LRCH1: variants seen among roughly 807,000 people sequenced by gnomAD.
LRCH1 encodes leucine-rich repeat and calponin homology domain-containing protein 1.
LRCH1 carries 23 observed loss-of-function variants against 94.9 expected under a neutral mutation model. That is an observed-to-expected ratio of 0.24 (90% CI 0.17 to 0.34). The LOEUF (loss-of-function observed/expected upper bound fraction) is 0.34, where lower values mean the gene tolerates loss of function less well. Ranked by LOEUF, LRCH1 falls within the 10% of genes least tolerant of loss-of-function variation. The pLI is 1.00. For synonymous variants in LRCH1, 364 were observed against 354.9 expected, an observed-to-expected ratio of 1.03 and a Z score of -0.29; for missense variants, 790 against 945.9, an observed-to-expected ratio of 0.84 and a Z score of 2.16.
In LRCH1 at chr13:46,733,619, A is replaced by T. The variant is rs150783700; in HGVS notation, c.2008-302A>T. Among the ~76,000 whole-genome samples, 18 of 152,282 alleles carry T rather than the reference A, an allele frequency of 1.2e-4. No homozygotes were observed. The East Asian group carries it at 3.5e-3, about 29-fold the overall frequency. Reference sequence around the variant, plus strand: ...TGCAGAAAATTTTGCATACATATACATCAGTGTATATACATGATATACAAA... The same window carrying T: ...TGCAGAAAATTTTGCATACATATACTTCAGTGTATATACATGATATACAAA... On this transcript the variant is annotated intron_variant, in intron 18 of 19. Coordinates refer to ENST00000389797, the MANE Select transcript of LRCH1 (RefSeq NM_001164211.2).
At chr13:46,748,182 A>G (rs1873986080), downstream of LRCH1, among the ~76,000 whole-genome samples, 1 of 151,814 alleles carries the variant, frequency 6.6e-6, no homozygotes, top group African/African-American at 2.4e-5. Flanking sequence ...TGACTTTTTC[A>G]TAATGCTTTT....
chr13:46,705,205 A>G (rs1382666508), intron 12 of LRCH1, 48 bp downstream of exon 12: 24 of 1,589,038 alleles, frequency 1.5e-5, no homozygotes, highest in Non-Finnish European at 1.9e-5. Context: ...TTCATAATAC[A>G]TTGACATTTC....
rs143819627 is a variant in LRCH1 at position 46,741,924 on chromosome 13, G to C, written c.*76G>C. On this transcript the variant is annotated 3_prime_UTR_variant, in exon 20 of 20. Coordinates refer to ENST00000389797, the MANE Select transcript of LRCH1 (RefSeq NM_001164211.2). ...GGGTCCTTCCTACCTTTGAGCCTTTGCCTTGCAAACTTCCATCCCTGTCAT... is the reference window on the plus strand; with the variant it reads ...GGGTCCTTCCTACCTTTGAGCCTTTCCCTTGCAAACTTCCATCCCTGTCAT... 34 of 1,594,348 alleles carry C rather than the reference G, an allele frequency of 2.1e-5. No homozygotes were observed. Among genetic ancestry groups the C allele is most frequent in the Non-Finnish European group, 2.7e-5 (32 of 1,168,774 alleles).
At chr13:46,751,580 C>A (rs1874142408) in exon 19 of LRCH1, 1 of 151,910 alleles carries the variant, frequency 6.6e-6, no homozygotes, top group South Asian at 2.1e-4. Context: ...TTTTTGGATT[C>A]ATACTTCTTT....
At chr13:46,717,866 T>G (rs1000607917) in intron 16 of LRCH1, among the ~76,000 whole-genome samples, 1 of 152,196 alleles carries the variant, frequency 6.6e-6, no homozygotes, top group African/African-American at 2.4e-5. Context: ...CTCTAAAACT[T>G]ATTCTTCAAA....
chr13:46,716,794 A>AAC (rs911198791), intron 16 of LRCH1, among the ~76,000 whole-genome samples: 1 of 152,218 alleles, frequency 6.6e-6, no homozygotes, highest in African/African-American at 2.4e-5. Context: ...AGGATTAAAA[A>AAC]ACAACAGTTA....
chr13:46,662,744 A>C (rs2051466082), intron 2 of LRCH1, among the ~76,000 whole-genome samples: 1 of 152,188 alleles, frequency 6.6e-6, no homozygotes, highest in East Asian at 1.9e-4. Context: ...GTTTATTTAT[A>C]CTCACGAGGA....
At chr13:46,610,411 T>C (rs116810152) in intron 1 of LRCH1, among the ~76,000 whole-genome samples, 262 of 152,194 alleles carry the variant, frequency 1.7e-3, no homozygotes, top group African/African-American at 6.1e-3. Flanking sequence ...AGTTATATAT[T>C]TTTTATTTAA....
intron 11 of LRCH1, among the ~76,000 whole-genome samples, chr13:46,702,102 G>A (rs1480307220): frequency 6.6e-6 from 1 of 152,220 alleles, no homozygotes; most frequent in Non-Finnish European, 1.5e-5. Flanking sequence ...AGTGCTTGGA[G>A]TATGGGAAGA....
rs1181412008 is a variant in LRCH1, at chr13:46,723,232, C to T, written c.1771C>T (p.Pro591Ser). The T allele has an allele frequency of 2.5e-6, 4 of 1,607,744 alleles. No individual in the cohort carries two copies. Among genetic ancestry groups the T allele is most frequent in the South Asian group, 1.1e-5 (1 of 90,768 alleles). The stretch of plus-strand genomic sequence containing the variant: ...CCTTTGTATTGTAGTGTTTCTAAGA[C>T]CTCAGAGAAATTTGGAATCTATAGA... ...EGDSDNVFLR[P>S]QRNLESIDPQ... The change falls in exon 17 of 20, where the codon CCT becomes TCT. Residue 591 changes from proline (P) to serine (S), a missense_variant. Around this residue, in one of 3 missense-constraint regions of LRCH1, gnomAD observed 460 missense variants for 508.9 expected, o/e 0.90. Transcript: ENST00000389797.
chr13:46,577,371 T>A (rs1391611376), intron 1 of LRCH1, among the ~76,000 whole-genome samples: 1 of 152,210 alleles, frequency 6.6e-6, no homozygotes, highest in Non-Finnish European at 1.5e-5. Flanking sequence ...GTGCTGGGAT[T>A]ACAGGTATGA....
intron 16 of LRCH1, among the ~76,000 whole-genome samples, chr13:46,721,449 T>A (rs1253919344): frequency 6.6e-6 from 1 of 152,180 alleles, no homozygotes; most frequent in Non-Finnish European, 1.5e-5. Context: ...ATATGTCTCT[T>A]TTTTGGTGTT....
intron 17 of LRCH1, among the ~76,000 whole-genome samples, chr13:46,724,587 C>T (rs1348562443): frequency 6.6e-6 from 1 of 152,160 alleles, no homozygotes; most frequent in Non-Finnish European, 1.5e-5. Context: ...TCCCAATGGG[C>T]ACTCTGTAGG....
intron 1 of LRCH1, among the ~76,000 whole-genome samples, chr13:46,574,826 T>G (rs939261609): frequency 8.1e-5 from 12 of 148,936 alleles, no homozygotes; most frequent in African/African-American, 2.0e-4. Context: ...TGTGGGGTTT[T>G]TTTTTTTTTT....
chr13:46,570,696 G>C (rs1255347306), intron 1 of LRCH1, among the ~76,000 whole-genome samples: 1 of 152,166 alleles, frequency 6.6e-6, no homozygotes, highest in African/African-American at 2.4e-5. Flanking sequence ...CACATATTCC[G>C]GTAGGGAAGA....
At chr13:46,722,446 C>T (rs556384813) in intron 16 of LRCH1, among the ~76,000 whole-genome samples, 9 of 152,310 alleles carry the variant, frequency 5.9e-5, no homozygotes, top group East Asian at 3.9e-4. Context: ...AGTCATTCTC[C>T]GATGCATAGA....
intron 2 of LRCH1, among the ~76,000 whole-genome samples, chr13:46,659,592 G>T (rs1010472941): frequency 1.3e-5 from 2 of 152,154 alleles, no homozygotes; most frequent in African/African-American, 2.4e-5. Flanking sequence ...AGAACGAAAA[G>T]AATATCAGCA....
Position 46,744,236 on chromosome 13 carries a change from C to T in LRCH1, c.*2388C>T, listed in dbSNP as rs1873809265. ...ACCTCCTTAGAGTCTGAGAAGTAGT[C>T]AGGGATGTCACTGAGTGGTTTATTG... On this transcript the variant is annotated 3_prime_UTR_variant, in exon 20 of 20. Coordinates refer to ENST00000389797, the MANE Select transcript of LRCH1 (RefSeq NM_001164211.2). The T allele has an allele frequency of 1.0e-6, 1 of 985,400 alleles. No individual in the cohort carries two copies. The highest frequency in any genetic ancestry group is 1.2e-6 in the Non-Finnish European group (1 of 829,926). 61.0% of individuals were successfully genotyped at this position (985,400 alleles called of 1,614,324 possible). A position where few individuals can be genotyped will look rare whatever the true frequency, so the allele number is the denominator to read the frequency against.
At chr13:46,714,834 T>C (rs545423713) in intron 15 of LRCH1, among the ~76,000 whole-genome samples, 11 of 152,334 alleles carry the variant, frequency 7.2e-5, no homozygotes, top group South Asian at 6.2e-4. Flanking sequence ...TTGAAATTGA[T>C]TGATCTCTGT....
Sources: allele counts gnomAD v4.1 joint callset (sites outside exome capture counted in the v4.1 genomes callset), GRCh38; gene constraint gnomAD v4.1.1; regional missense constraint gnomAD v4.1.1; transcripts MANE v1.5; gene names NCBI Gene and HGNC (gene_info 2026-07-23, HGNC 2026-07-21).